The following RANBP17 variants were observed in gnomAD, a reference collection of about 807,000 sequenced individuals.
RANBP17 encodes RAN binding protein 17, also known as ran-binding protein 17.
RANBP17 carries 158 observed loss-of-function variants against 141.2 expected under a neutral mutation model. That is an observed-to-expected ratio of 1.12 (90% CI 0.98 to 1.28). The LOEUF is 1.28. Ranked by LOEUF, RANBP17 falls within the 50% of genes most tolerant of loss-of-function variation. The pLI is 0.00. For missense variants in RANBP17, 1,438 were observed against 1,290.7 expected, an observed-to-expected ratio of 1.11 and a Z score of -1.75; for synonymous variants, 430 against 450.0, an observed-to-expected ratio of 0.96 and a Z score of 0.56.
chr5:170,922,933 T>C (rs1772595776), intron 11 of RANBP17, among the ~76,000 whole-genome samples: 1 of 152,180 alleles, frequency 6.6e-6, no homozygotes, highest in South Asian at 2.1e-4. Context: ...CCAGAGCTGT[T>C]CCTATTTGGC....
chr5:170,966,628 T>G (rs1192745181), intron 13 of RANBP17, among the ~76,000 whole-genome samples: 2 of 151,822 alleles, frequency 1.3e-5, no homozygotes, highest in African/African-American at 4.8e-5. Context: ...CTTTGAAAAC[T>G]GGCACAAGAC....
chr5:171,011,347 A>G (rs528463337), intron 14 of RANBP17, among the ~76,000 whole-genome samples: 3 of 152,142 alleles, frequency 2.0e-5, no homozygotes, highest in Non-Finnish European at 4.4e-5. Context: ...ATAACCAACT[A>G]GTATGTTTTT....
chr5:170,922,701 C>G (rs1353862699), intron 11 of RANBP17, among the ~76,000 whole-genome samples: 1 of 152,194 alleles, frequency 6.6e-6, no homozygotes, highest in Non-Finnish European at 1.5e-5. Flanking sequence ...CAGAAGTGTA[C>G]TGTTTCTGCA....
intron 14 of RANBP17, among the ~76,000 whole-genome samples, chr5:170,988,714 T>A (rs556865050): frequency 6.6e-6 from 1 of 151,946 alleles, no homozygotes; most frequent in South Asian, 2.1e-4. Context: ...TATATATGTA[T>A]TATACATACA....
chr5:171,285,012 C>T (rs1768076313), intron 25 of RANBP17, among the ~76,000 whole-genome samples: 1 of 152,180 alleles, frequency 6.6e-6, no homozygotes, highest in African/African-American at 2.4e-5. Flanking sequence ...CAGTCTTCTA[C>T]TCCTTGCCCC....
intron 14 of RANBP17, among the ~76,000 whole-genome samples, chr5:171,047,879 A>G (rs938312005): frequency 3.9e-5 from 6 of 151,922 alleles, no homozygotes; most frequent in Admixed American, 2.6e-4. Context: ...AAAAGTTTTT[A>G]TTTTGGCAGA....
intron 2 of RANBP17, among the ~76,000 whole-genome samples, chr5:170,880,074 T>G: frequency 6.6e-6 from 1 of 152,218 alleles, no homozygotes; most frequent in South Asian, 2.1e-4. Context: ...TTACCACTAG[T>G]GTGACATATC....
At chr5:170,889,094 C>T (rs146526343) in intron 3 of RANBP17, among the ~76,000 whole-genome samples, 2 of 149,912 alleles carry the variant, frequency 1.3e-5, no homozygotes, top group African/African-American at 4.9e-5. Flanking sequence ...GTTCCATGTT[C>T]TCTTTCTCTC....
chr5:171,178,782 CT>C (rs925944991), intron 16 of RANBP17, among the ~76,000 whole-genome samples: 134 of 152,144 alleles, frequency 8.8e-4, no homozygotes, highest in Non-Finnish European at 1.4e-3. Flanking sequence ...TAATGATAAG[CT>C]TTTTTTCATA....
chr5:170,934,518 A>C (rs1014845302), intron 12 of RANBP17, among the ~76,000 whole-genome samples: 33 of 152,136 alleles, frequency 2.2e-4, no homozygotes, highest in Non-Finnish European at 4.1e-4. Flanking sequence ...AAAATCTCTC[A>C]GCTTTTGTTT....
intron 14 of RANBP17, among the ~76,000 whole-genome samples, chr5:171,125,447 G>T (rs1051597161): frequency 2.0e-5 from 3 of 149,412 alleles, no homozygotes; most frequent in African/African-American, 7.4e-5. Context: ...ATGATAAAGA[G>T]ATGAGTGCAA....
intron 12 of RANBP17, among the ~76,000 whole-genome samples, chr5:170,946,053 A>G (rs763954176): frequency 2.6e-5 from 4 of 152,164 alleles, no homozygotes; most frequent in Non-Finnish European, 5.9e-5. Flanking sequence ...AGGAAGTATA[A>G]TAGTTTGAGA....
chr5:171,110,117 G>A (rs192800934), intron 14 of RANBP17, among the ~76,000 whole-genome samples: 2 of 151,560 alleles, frequency 1.3e-5, no homozygotes, highest in Admixed American at 1.3e-4. Context: ...ATGTTTATCA[G>A]TATCATCATA....
chr5:171,004,224 C>T (rs1779422109), intron 14 of RANBP17, among the ~76,000 whole-genome samples: 1 of 151,924 alleles, frequency 6.6e-6, no homozygotes, highest in South Asian at 2.1e-4. Context: ...TGGAGATGTC[C>T]CATACTTGCG....
chr5:170,954,420 CTAA>C (rs1486933662), intron 13 of RANBP17, among the ~76,000 whole-genome samples: 2 of 151,512 alleles, frequency 1.3e-5, no homozygotes, highest in Non-Finnish European at 2.9e-5. Context: ...TAAGATGGAG[CTAA>C]TAATAATACC....
chr5:170,996,985 T>C lies in RANBP17; in HGVS notation c.1710+28608T>C, dbSNP rs76760634. Among the ~76,000 whole-genome samples the C allele has an allele frequency of 9.8e-3, 1,494 of 152,278 alleles. 18 individuals carry two copies. Among genetic ancestry groups the C allele is most frequent in the Non-Finnish European group, 0.015 (1,042 of 68,020 alleles). ...GCTTTGTGTCCCCACCCAAATCTCA[T>C]TTTGAATCATAATCGTCATGTGTCA... On this transcript the variant is annotated intron_variant, in intron 14 of 27. Coordinates refer to ENST00000523189, the MANE Select transcript of RANBP17 (RefSeq NM_022897.5).
At chr5:171,018,133 T>C (rs1780585616) in intron 14 of RANBP17, among the ~76,000 whole-genome samples, 1 of 152,194 alleles carries the variant, frequency 6.6e-6, no homozygotes, top group Admixed American at 6.5e-5. Flanking sequence ...TTGGTACCAG[T>C]ACCATGTTGT....
intron 20 of RANBP17, among the ~76,000 whole-genome samples, chr5:171,211,312 A>AG (rs1244646416): frequency 2.0e-5 from 3 of 151,598 alleles, no homozygotes; most frequent in African/African-American, 7.3e-5. Context: ...CTCAGGCTGG[A>AG]GTGCAGTGGT....
rs1765662678 is a variant in RANBP17 at position 171,252,900 on chromosome 5, A to C, written c.2776+10080A>C. The C allele has an allele frequency of 4.2e-6, 6 of 1,432,272 alleles. No individual in the cohort carries two copies. The South Asian group carries it at 4.6e-5, about 11-fold the overall frequency. 88.7% of individuals were successfully genotyped at this position (1,432,272 alleles called of 1,614,324 possible). ...ACATTGTAGAAAAAATAGATGCACA[A>C]GCTATTGAAGAAGTCTACGGGCTGA... On this transcript the variant is annotated intron_variant, in intron 24 of 27. Coordinates refer to ENST00000523189, the MANE Select transcript of RANBP17 (RefSeq NM_022897.5).
Sources: allele counts gnomAD v4.1 joint callset (sites outside exome capture counted in the v4.1 genomes callset), GRCh38; gene constraint gnomAD v4.1.1; transcripts MANE v1.5; gene names NCBI Gene and HGNC (gene_info 2026-07-23, HGNC 2026-07-21).